Variants in FAM117B observed in about 807,000 individuals in gnomAD.
FAM117B encodes protein FAM117B.
A neutral mutation model predicts 52.8 loss-of-function variants in FAM117B; 22 were observed. That is an observed-to-expected ratio of 0.42 (90% CI 0.30 to 0.59). The LOEUF is 0.59. FAM117B is among the 20% of genes least tolerant of loss of function. FAM117B has a pLI of 0.22. For missense variants in FAM117B, 678 were observed against 802.6 expected, an observed-to-expected ratio of 0.84 and a Z score of 1.88; for synonymous variants, 309 against 324.1, an observed-to-expected ratio of 0.95 and a Z score of 0.50.
At chr2:202,640,123 T>C (rs1689745483) in intron 1 of FAM117B, among the ~76,000 whole-genome samples, 2 of 150,476 alleles carry the variant, frequency 1.3e-5, no homozygotes, top group South Asian at 2.1e-4. Context: ...TACAAAAAAT[T>C]AGACAGGTGT....
Position 202,635,463 on chromosome 2 carries a change from C to A in FAM117B, c.276C>A (p.Thr92=), listed in dbSNP as rs1211129117. The change falls in exon 1 of 8, where the codon ACC becomes ACA. Residue 92 remains threonine, a synonymous_variant. Transcript: ENST00000392238. ...GCCCGCGCACCGCCTCGCGCAGCAC[C>A]AGCCCCACGCGCGGCGGCGGGAACG... The part of the protein sequence containing the change: ...GGGPRTASRS[T]SPTRGGGNAA... 1.8e-6 allele frequency: 2 copies of A among 1,105,780 alleles called. No individual in the cohort carries two copies. The highest frequency in any genetic ancestry group is 2.2e-6 in the Non-Finnish European group (2 of 909,836). 68.5% of individuals were successfully genotyped at this position (1,105,780 alleles called of 1,614,324 possible).
intron 1 of FAM117B, among the ~76,000 whole-genome samples, chr2:202,656,733 T>TA (rs1690062369): frequency 6.6e-6 from 1 of 152,228 alleles, no homozygotes; most frequent in Non-Finnish European, 1.5e-5. Flanking sequence ...TTTCAGGTCT[T>TA]ACATATCTTT....
chr2:202,693,399 A>G (rs1690663861), intron 1 of FAM117B, among the ~76,000 whole-genome samples: 1 of 152,178 alleles, frequency 6.6e-6, no homozygotes, highest in Non-Finnish European at 1.5e-5. Context: ...ACTTGAGATC[A>G]GGAGTTCAAG....
intron 4 of FAM117B, among the ~76,000 whole-genome samples, chr2:202,734,373 A>G (rs1011247524): frequency 2.6e-5 from 4 of 152,174 alleles, no homozygotes; most frequent in African/African-American, 9.7e-5. Flanking sequence ...CAGCAACAAC[A>G]AAAAACCCAT....
rs1398973061 is a variant in FAM117B at position 202,644,056 on chromosome 2, TTTTTTTTG to T, written c.601+8276_601+8283del. 2.7e-3 allele frequency among the ~76,000 whole-genome samples: 365 copies of T among 134,380 alleles called. 6 individuals are homozygous for T. The highest frequency in any genetic ancestry group is 9.9e-3 in the African/African-American group (339 of 34,250). The allele number at this position is 134,380 out of a possible 152,430, so 88.2% of individuals were successfully genotyped here. ...CTATACTACTGCTTTAGGAGCTGTT[TTTTTTTTG>T]TTTTTTTTTTTTTTTTTTTTCAGTT... On this transcript the variant is annotated intron_variant, in intron 1 of 7. Transcript: ENST00000392238.
In FAM117B at chr2:202,766,519, A is replaced by G. The variant is rs1404508760; in HGVS notation, c.*755A>G. 2 of 152,672 alleles carry G rather than the reference A, an allele frequency of 1.3e-5. No individual in the cohort carries two copies. Among genetic ancestry groups the G allele is most frequent in the Non-Finnish European group, 2.9e-5 (2 of 68,064 alleles). 9.5% of individuals were successfully genotyped at this position (152,672 alleles called of 1,614,324 possible). On this transcript the variant is annotated 3_prime_UTR_variant, in exon 8 of 8. Coordinates refer to ENST00000392238, the MANE Select transcript of FAM117B (RefSeq NM_173511.4). ...TATTTGTATAACTGCTGTTTTCTTC[A>G]CTACTCCTGTACACATTTCACCATG...
chr2:202,680,914 G>A (rs896073185), intron 1 of FAM117B, among the ~76,000 whole-genome samples: 1 of 152,134 alleles, frequency 6.6e-6, no homozygotes, highest in Admixed American at 6.5e-5. Context: ...TCAATTAATG[G>A]TAAGATAAAA....
chr2:202,691,421 C>T (rs1035236766), intron 1 of FAM117B, among the ~76,000 whole-genome samples: 1 of 151,418 alleles, frequency 6.6e-6, no homozygotes, highest in Non-Finnish European at 1.5e-5. Context: ...TCTTTCCCCC[C>T]AAAAAAGAAA....
chr2:202,717,260 C>G (rs1244887645), intron 2 of FAM117B, among the ~76,000 whole-genome samples: 2 of 152,192 alleles, frequency 1.3e-5, no homozygotes, highest in African/African-American at 2.4e-5. Flanking sequence ...TGCTTCAGCT[C>G]AGGAGTTTGC....
At chr2:202,706,875 T>A (rs975430903) in intron 2 of FAM117B, among the ~76,000 whole-genome samples, 1 of 152,144 alleles carries the variant, frequency 6.6e-6, no homozygotes, top group Non-Finnish European at 1.5e-5. Flanking sequence ...TCAGTGTAAG[T>A]TCTGTTGTTG....
chr2:202,667,533 T>C (rs901013018), intron 1 of FAM117B, among the ~76,000 whole-genome samples: 2 of 152,116 alleles, frequency 1.3e-5, no homozygotes, highest in Admixed American at 1.3e-4. Context: ...AGAAATAATA[T>C]TGCTCTGTTC....
At chr2:202,652,078 G>A (rs1166090787) in intron 1 of FAM117B, among the ~76,000 whole-genome samples, 2 of 150,010 alleles carry the variant, frequency 1.3e-5, no homozygotes, top group African/African-American at 4.9e-5. Flanking sequence ...AAAAAGATAA[G>A]GACAAGGGAT....
intron 3 of FAM117B, among the ~76,000 whole-genome samples, chr2:202,725,660 C>CA (rs1211024089): frequency 6.6e-6 from 1 of 152,160 alleles, no homozygotes; most frequent in African/African-American, 2.4e-5. Context: ...TTCTGAAATG[C>CA]AGTACTCACT....
At chr2:202,636,535 A>G (rs1361085684) in intron 1 of FAM117B, among the ~76,000 whole-genome samples, 1 of 152,188 alleles carries the variant, frequency 6.6e-6, no homozygotes, top group African/African-American at 2.4e-5. Flanking sequence ...TTTACCTGGA[A>G]GCTTTCTTGG....
chr2:202,725,257 C>A, intron 3 of FAM117B: 3 of 256,708 alleles, frequency 1.2e-5, no homozygotes, highest in Non-Finnish European at 2.2e-5. Flanking sequence ...CTATTAACAT[C>A]AGATTTAAAA....
intron 1 of FAM117B, among the ~76,000 whole-genome samples, chr2:202,681,040 A>G (rs889353533): frequency 2.0e-5 from 3 of 152,238 alleles, no homozygotes; most frequent in African/African-American, 7.2e-5. Context: ...TGACAATAGT[A>G]GCACAAAGAC....
chr2:202,644,065 T>G lies in FAM117B; in HGVS notation c.601+8277T>G, dbSNP rs905614021. 1.2e-3 allele frequency among the ~76,000 whole-genome samples: 86 copies of G among 69,866 alleles called. 2 individuals are homozygous for G. Among genetic ancestry groups the G allele is most frequent in the Middle Eastern group, 7.8e-3 (1 of 128 alleles). The allele number at this position is 69,866 out of a possible 152,430, so 45.8% of individuals were successfully genotyped here. A position where few individuals can be genotyped will look rare whatever the true frequency, so the allele number is the denominator to read the frequency against. On this transcript the variant is annotated intron_variant, in intron 1 of 7. Transcript: ENST00000392238. ...TGCTTTAGGAGCTGTTTTTTTTTTGTTTTTTTTTTTTTTTTTTTTCAGTTT... is the reference window on the plus strand; with the variant it reads ...TGCTTTAGGAGCTGTTTTTTTTTTGGTTTTTTTTTTTTTTTTTTTCAGTTT...
At chr2:202,648,524 C>CG (rs1049024362) in intron 1 of FAM117B, among the ~76,000 whole-genome samples, 1 of 130,074 alleles carries the variant, frequency 7.7e-6, no homozygotes, top group Admixed American at 7.8e-5. Flanking sequence ...CCCCACCCCC[C>CG]CCCCAAAACA....
At chr2:202,745,897 T>C (rs1691624364) in intron 4 of FAM117B, among the ~76,000 whole-genome samples, 1 of 152,168 alleles carries the variant, frequency 6.6e-6, no homozygotes, top group African/African-American at 2.4e-5. Context: ...CAAGAGGATA[T>C]AACAATTGTA....
Sources: gnomAD v4.1 joint callset for allele counts (sites outside exome capture counted in the v4.1 genomes callset) on GRCh38, gnomAD v4.1.1 for gene constraint, MANE v1.5 for transcripts, NCBI Gene and HGNC (gene_info 2026-07-23, HGNC 2026-07-21) for gene names.